The following ACTR8 variants were observed in gnomAD, a reference collection of about 807,000 sequenced individuals.
ACTR8 encodes the protein actin related protein 8.
A neutral mutation model predicts 84.3 loss-of-function variants in ACTR8; 70 were observed. That is an observed-to-expected ratio of 0.83 (90% CI 0.68 to 1.01). The LOEUF is 1.01. ACTR8 is among the 50% of genes least tolerant of loss of function. The probability of loss-of-function intolerance (pLI) is 0.00; values close to 1 mark genes in which losing one functional copy is unlikely to be tolerated. For synonymous variants in ACTR8, 268 were observed against 275.2 expected (o/e 0.97, Z 0.26); for missense variants, 672 against 775.4 (o/e 0.87, Z 1.58).
intron 1 of ACTR8, 135 bp downstream of exon 1, chr3:53,881,844 A>T: frequency 7.2e-7 from 1 of 1,384,300 alleles, no homozygotes; most frequent in Non-Finnish European, 9.6e-7. Flanking sequence ...GAAAAGAACG[A>T]CCGCTTCCGC....
chr3:53,860,895 TAAAC>T, the ACTR8 span: 2 of 152,322 alleles, frequency 1.3e-5, no homozygotes, highest in African/African-American at 4.8e-5. Context: ...TATCAAAACT[TAAAC>T]ACACACATAC....
chr3:53,877,781 T>C lies in ACTR8; in HGVS notation c.406-30A>G, dbSNP rs1256143550. The C allele has an allele frequency of 5.7e-6, 9 of 1,586,264 alleles. No individual in the cohort carries two copies. The South Asian group carries it at 8.9e-5, about 16-fold the overall frequency. On this transcript the variant is annotated intron_variant, in intron 3 of 12. Coordinates refer to ENST00000335754, the MANE Select transcript of ACTR8 (RefSeq NM_022899.5). Reference sequence around the variant, plus strand: ...AAAGAAAAACCATCAGAAAATTATCTCAATTTATTCAAGGCGGGGGCAACA... The same window carrying C: ...AAAGAAAAACCATCAGAAAATTATCCCAATTTATTCAAGGCGGGGGCAACA...
intron 2 of ACTR8, 110 bp from the exon 3 acceptor site, chr3:53,878,577 T>C (rs957155908): frequency 2.8e-6 from 2 of 716,774 alleles, no homozygotes; most frequent in Non-Finnish European, 4.9e-6. Flanking sequence ...CATCAACAAG[T>C]AGCGTTTCCT....
downstream of ACTR8, among the ~76,000 whole-genome samples, chr3:53,866,791 T>C (rs1699795515): frequency 6.6e-6 from 1 of 152,038 alleles, no homozygotes; most frequent in Admixed American, 6.6e-5. Context: ...TAAAAGCATC[T>C]TTTTCTTTAA....
chr3:53,864,806 T>TAA, downstream of ACTR8: 1 of 1,614,122 alleles, frequency 6.2e-7, no homozygotes, highest in Non-Finnish European at 8.5e-7. Context: ...AAGGTTCTTG[T>TAA]GGTTTACCCA....
chr3:53,860,265 G>T, the ACTR8 span: 7 of 1,520,994 alleles, frequency 4.6e-6, no homozygotes, highest in Non-Finnish European at 6.3e-6. Flanking sequence ...TCCTAGTAAG[G>T]AAATAACATT....
rs1476906341 is a variant in ACTR8, at chr3:53,876,637, A to G, written c.761T>C (p.Met254Thr). 1.3e-6 allele frequency: 2 copies of G among 1,573,862 alleles called. No homozygotes were observed. The highest frequency in any genetic ancestry group is 1.1e-5 in the South Asian group (1 of 87,292). ...HVKELVNMILMKMGFSGIVVH... is the reference protein window; with the variant it reads ...HVKELVNMILTKMGFSGIVVH... ...AGACATACCTGAAAAACCCATCTTC[A>G]TTAGTATCATATTCACTAGTTCTTT... Residue 254 changes from methionine to threonine, a missense_variant, in exon 6 of 13, where the codon ATG (methionine) becomes ACG (threonine). Met to Thr is a moderately conservative substitution (Grantham distance 81, BLOSUM62 -1). Transcript: ENST00000335754.
intron 7 of ACTR8, among the ~76,000 whole-genome samples, chr3:53,875,023 A>G (rs1576864761): frequency 1.3e-5 from 2 of 152,242 alleles, no homozygotes; most frequent in South Asian, 2.1e-4. Context: ...CAATGACAAT[A>G]TAAGACAAAC....
At chr3:53,869,854 T>A in intron 12 of ACTR8, 128 bp downstream of exon 12, 1 of 979,552 alleles carries the variant, frequency 1.0e-6, no homozygotes, top group Non-Finnish European at 1.4e-6. Context: ...TGAAATTAAC[T>A]TTTCCACTTG....
intron 2 of ACTR8, 135 bp from the exon 3 acceptor site, chr3:53,878,602 T>C (rs1476068406): frequency 1.6e-6 from 1 of 640,292 alleles, no homozygotes; most frequent in Non-Finnish European, 2.8e-6. Flanking sequence ...CTTTATCACA[T>C]GTACTGCTCT....
intron 2 of ACTR8, 124 bp downstream of exon 2, chr3:53,879,815 A>G (rs1220862829): frequency 3.0e-6 from 3 of 1,004,954 alleles, no homozygotes; most frequent in African/African-American, 3.2e-5. Flanking sequence ...AATTAGTGAC[A>G]TTATTAATGT....
chr3:53,859,047 G>A, the ACTR8 span: 6 of 443,882 alleles, frequency 1.4e-5, no homozygotes, highest in African/African-American at 4.0e-5. Flanking sequence ...TACAAAGCAG[G>A]ATACACAGAA....
Position 53,867,264 on chromosome 3 carries a change from C to T in ACTR8, c.*1455G>A, listed in dbSNP as rs190355758. 2.0e-5 allele frequency: 3 copies of T among 152,310 alleles called. No homozygotes were observed. Among genetic ancestry groups the T allele is most frequent in the East Asian group, 3.9e-4 (2 of 5,182 alleles). 9.4% of individuals were successfully genotyped at this position (152,310 alleles called of 1,614,324 possible). On this transcript the variant is annotated 3_prime_UTR_variant, in exon 13 of 13. Coordinates refer to ENST00000335754, the MANE Select transcript of ACTR8 (RefSeq NM_022899.5). The stretch of plus-strand genomic sequence containing the variant: ...CAGAAATATATTATGTTTTTGCAAA[C>T]AGGCAGCTGATCCAAAATTGTGTTG...
In ACTR8 at chr3:53,870,555, G is replaced by A. The variant is rs1403344757; in HGVS notation, c.1568-410C>T. Among the ~76,000 whole-genome samples, 1 of 152,192 alleles carries A rather than the reference G, an allele frequency of 6.6e-6. No homozygotes were observed. Among genetic ancestry groups the A allele is most frequent in the Admixed American group, 6.5e-5 (1 of 15,280 alleles). On this transcript the variant is annotated intron_variant, in intron 11 of 12. Transcript: ENST00000335754. This position sits in a 1 kb window ranked among gnomAD's most constrained non-coding sequence, Gnocchi z 4.1. ...AGTCCCAGCTACTCGGGAGGCTGAGGCAGGAGAATCACTTGAACCCAGGAG... is the reference window on the plus strand; with the variant it reads ...AGTCCCAGCTACTCGGGAGGCTGAGACAGGAGAATCACTTGAACCCAGGAG...
At chr3:53,871,537 A>C in intron 10 of ACTR8, 41 bp from the exon 11 acceptor site, 1 of 1,606,478 alleles carries the variant, frequency 6.2e-7, no homozygotes, top group Non-Finnish European at 8.5e-7. Flanking sequence ...GTATTACAAC[A>C]ACAGAACACT....
the ACTR8 span, chr3:53,860,107 T>C: frequency 1.3e-6 from 2 of 1,561,490 alleles, no homozygotes; most frequent in Non-Finnish European, 1.8e-6. Context: ...TTTCCAAAGG[T>C]GAATAAGCTT....
chr3:53,873,919 G>C lies in ACTR8; in HGVS notation c.1065+292C>G, dbSNP rs542704626. 3.9e-5 allele frequency among the ~76,000 whole-genome samples: 6 copies of C among 152,278 alleles called. No homozygotes were observed. The South Asian group carries it at 1.2e-3, about 32-fold the overall frequency. On this transcript the variant is annotated intron_variant, in intron 8 of 12. Transcript: ENST00000335754. Reference sequence around the variant, plus strand: ...GGCTCACTGCAAGCTCCACCTTCCAGGTTCACGCCATTCTCCCGCCTCAGC... The same window carrying C: ...GGCTCACTGCAAGCTCCACCTTCCACGTTCACGCCATTCTCCCGCCTCAGC...
At chr3:53,878,522 A>C in intron 2 of ACTR8, 55 bp from the exon 3 acceptor site, 1 of 1,083,036 alleles carries the variant, frequency 9.2e-7, no homozygotes, top group South Asian at 1.3e-5. Context: ...AAGACAAAGC[A>C]ATTCAAAAAC....
In ACTR8 at chr3:53,876,700, A is replaced by G; in HGVS notation, c.698T>C (p.Ile233Thr). 1 of 1,494,666 alleles carries G rather than the reference A, an allele frequency of 6.7e-7. No individual in the cohort carries two copies. The highest frequency in any genetic ancestry group is 9.2e-7 in the Non-Finnish European group (1 of 1,082,698). 92.6% of individuals were successfully genotyped at this position (1,494,666 alleles called of 1,614,324 possible). A position where few individuals can be genotyped will look rare whatever the true frequency, so the allele number is the denominator to read the frequency against. The change falls in exon 6 of 13, where the codon ATC (isoleucine) becomes ACC (threonine). Residue 233 changes from isoleucine (I) to threonine (T), a missense_variant. By Grantham distance (89) the Ile-to-Thr change is moderately conservative. Transcript: ENST00000335754. Reference protein sequence around the residue: ...PLKDLKYYRCILLIPDIYNKQ... With the variant: ...PLKDLKYYRCTLLIPDIYNKQ... ...ATTATAGATATCAGGAATTAACAAG[A>G]TACATCTATAATACTAAAAAGAAGA...
Sources: allele counts gnomAD v4.1 joint callset (sites outside exome capture counted in the v4.1 genomes callset), GRCh38; gene constraint gnomAD v4.1.1; non-coding constraint Gnocchi (gnomAD v3.1); transcripts MANE v1.5; gene names NCBI Gene and HGNC (gene_info 2026-07-23, HGNC 2026-07-21).